Variants in CACNB4 observed in about 807,000 individuals in gnomAD.
CACNB4 encodes voltage-dependent L-type calcium channel subunit beta-4.
Under a neutral mutation model 71.2 loss-of-function variants are expected in CACNB4, and 32 were observed. The observed-to-expected ratio is 0.45, with a 90% CI of 0.34 to 0.60. The LOEUF is 0.60. Ranked by LOEUF, CACNB4 falls within the 20% of genes least tolerant of loss-of-function variation. The pLI is 0.01. For missense variants in CACNB4, 464 were observed against 647.9 expected, an observed-to-expected ratio of 0.72 and a Z score of 3.08; for synonymous variants, 231 against 236.9, an observed-to-expected ratio of 0.97 and a Z score of 0.23.
At chr2:152,049,800 T>C (rs1412430723) in intron 2 of CACNB4, among the ~76,000 whole-genome samples, 1 of 152,258 alleles carries the variant, frequency 6.6e-6, no homozygotes, top group Non-Finnish European at 1.5e-5. Context: ...ACTTCCTCTT[T>C]TAGGCTATGA....
chr2:151,855,257 T>C lies in CACNB4; in HGVS notation c.987A>G (p.Pro329=). ...PAQLIKTSLA[P]IIVHVKVSSP... Reference sequence around the variant, plus strand: ...ATGAGACTTTTACATGAACAATAATTGGTGCTAAGGAAGTCTTTATAAGTT... The same window carrying C: ...ATGAGACTTTTACATGAACAATAATCGGTGCTAAGGAAGTCTTTATAAGTT... The change falls in exon 11 of 14, where the codon CCA becomes CCG. Residue 329 remains proline (P), a synonymous_variant. Transcript: ENST00000539935. 6.5e-7 allele frequency: 1 copy of C among 1,548,434 alleles called. No individual in the cohort carries two copies. Among genetic ancestry groups the C allele is most frequent in the Non-Finnish European group, 8.8e-7 (1 of 1,132,220 alleles).
intron 10 of CACNB4, chr2:151,860,424 G>A (rs1017406738): frequency 2.3e-6 from 1 of 434,272 alleles, no homozygotes; most frequent in Non-Finnish European, 4.1e-6. Context: ...TGAGCAAAGT[G>A]GAGATGACTG....
intron 2 of CACNB4, among the ~76,000 whole-genome samples, chr2:152,058,343 T>G (rs550643894): frequency 6.6e-6 from 1 of 151,856 alleles, no homozygotes; most frequent in Non-Finnish European, 1.5e-5. Flanking sequence ...TGGGCAGAGG[T>G]TGGAATAGTT....
chr2:152,071,495 C>A (rs1261604494), intron 2 of CACNB4, among the ~76,000 whole-genome samples: 1 of 152,078 alleles, frequency 6.6e-6, no homozygotes, highest in Non-Finnish European at 1.5e-5. Context: ...ACACATTAGG[C>A]TGCTAAAGAC....
intron 2 of CACNB4, among the ~76,000 whole-genome samples, chr2:151,985,903 T>C (rs1321245922): frequency 6.6e-6 from 1 of 152,146 alleles, no homozygotes; most frequent in Non-Finnish European, 1.5e-5. Flanking sequence ...TCTGGAGCTT[T>C]TGAAAAATCC....
At chr2:152,058,389 G>T (rs1685835383) in intron 2 of CACNB4, among the ~76,000 whole-genome samples, 2 of 152,222 alleles carry the variant, frequency 1.3e-5, no homozygotes, top group African/African-American at 4.8e-5. Flanking sequence ...GATGTGGAAA[G>T]ATTTGAAACT....
intron 2 of CACNB4, among the ~76,000 whole-genome samples, chr2:152,009,652 C>A (rs562152903): frequency 6.6e-6 from 1 of 152,266 alleles, no homozygotes; most frequent in South Asian, 2.1e-4. Flanking sequence ...CAGCAGCAAA[C>A]GTGCAGGAAG....
intron 2 of CACNB4, chr2:151,967,178 G>A (rs1243969073): frequency 7.9e-5 from 12 of 151,088 alleles, no homozygotes; most frequent in Non-Finnish European, 1.6e-4. Flanking sequence ...TTCCTGAGTA[G>A]CTAGGACTAC....
At chr2:151,969,511 T>G (rs1326060317) in intron 2 of CACNB4, 1 of 152,212 alleles carries the variant, frequency 6.6e-6, no homozygotes, top group Admixed American at 6.5e-5. Flanking sequence ...GGTATCTTTG[T>G]TCACATCAAA....
chr2:151,895,069 T>A (rs1469455873), intron 2 of CACNB4, among the ~76,000 whole-genome samples: 1 of 133,632 alleles, frequency 7.5e-6, no homozygotes, highest in Admixed American at 7.6e-5. Context: ...AATCTAAAAT[T>A]CATATGGAAC....
intron 2 of CACNB4, among the ~76,000 whole-genome samples, chr2:151,957,959 T>A (rs992114711): frequency 6.6e-6 from 1 of 152,200 alleles, no homozygotes; most frequent in Admixed American, 6.5e-5. Flanking sequence ...AGGTTTGGAA[T>A]ATCTTGGGGT....
chr2:152,014,730 CA>C (rs149045123), intron 2 of CACNB4, among the ~76,000 whole-genome samples: 30,508 of 125,342 alleles, frequency 0.24, 3,313 homozygotes, highest in Middle Eastern at 0.37. Context: ...AACTCTGTCT[CA>C]AAAAAAAAAA....
chr2:151,944,314 A>T (rs1452563798), intron 2 of CACNB4, among the ~76,000 whole-genome samples: 1 of 152,146 alleles, frequency 6.6e-6, no homozygotes, highest in East Asian at 1.9e-4. Flanking sequence ...CGCTGGGATT[A>T]CAGGCATAAG....
chr2:152,098,580 A>G lies in CACNB4; in HGVS notation c.64-167T>C. Reference sequence around the variant, plus strand: ...CCAAATACAGCCCCCACCCCCACCCACCCACTGCAAGCCTCGACTGCTGAA... The same window carrying G: ...CCAAATACAGCCCCCACCCCCACCCGCCCACTGCAAGCCTCGACTGCTGAA... On this transcript the variant is annotated intron_variant, in intron 1 of 13. Coordinates refer to ENST00000539935, the MANE Select transcript of CACNB4 (RefSeq NM_000726.5). The surrounding 1 kb of genome is among the most constrained non-coding windows in gnomAD (Gnocchi z 5.3). 2.2e-6 allele frequency: 1 copy of G among 444,560 alleles called. No homozygotes were observed. Among genetic ancestry groups the G allele is most frequent in the Admixed American group, 3.2e-5 (1 of 31,158 alleles). The allele number at this position is 444,560 out of a possible 1,614,324, so 27.5% of individuals were successfully genotyped here.
chr2:152,022,087 G>A (rs1013520189), intron 2 of CACNB4, among the ~76,000 whole-genome samples: 5 of 152,180 alleles, frequency 3.3e-5, no homozygotes, highest in African/African-American at 1.2e-4. Flanking sequence ...CATCAAGTAA[G>A]CCTTGGGGAA....
intron 2 of CACNB4, among the ~76,000 whole-genome samples, chr2:152,020,029 T>C (rs1038624146): frequency 2.0e-5 from 3 of 152,156 alleles, no homozygotes; most frequent in African/African-American, 7.2e-5. Flanking sequence ...AAAACCACTG[T>C]GTTTCTATGC....
At chr2:151,894,798 C>T (rs1477357219) in intron 2 of CACNB4, among the ~76,000 whole-genome samples, 2 of 151,986 alleles carry the variant, frequency 1.3e-5, no homozygotes, top group Middle Eastern at 3.4e-3. Context: ...AGAAAGCAAT[C>T]CCATTTATAA....
chr2:152,035,651 C>CTCTCTCTATATATATATA (rs796161186), intron 2 of CACNB4, among the ~76,000 whole-genome samples: 6 of 118,042 alleles, frequency 5.1e-5, no homozygotes, highest in African/African-American at 2.2e-4. Context: ...CTCTCTCTCT[C>CTCTCTCTATATATATATA]TATATATATA....
chr2:151,942,618 C>T (rs2099864549), intron 2 of CACNB4, among the ~76,000 whole-genome samples: 1 of 137,912 alleles, frequency 7.3e-6, no homozygotes, highest in South Asian at 2.1e-4. Flanking sequence ...AATGGACGTG[C>T]AATTATGGAA....
Sources: allele counts gnomAD v4.1 joint callset (sites outside exome capture counted in the v4.1 genomes callset), GRCh38; gene constraint gnomAD v4.1.1; non-coding constraint Gnocchi (gnomAD v3.1); transcripts MANE v1.5; gene names NCBI Gene and HGNC (gene_info 2026-07-23, HGNC 2026-07-21).